The following FOXK1 variants were observed in gnomAD, a reference collection of about 807,000 sequenced individuals.
The protein encoded by FOXK1 is forkhead box protein K1.
A neutral mutation model predicts 51.9 loss-of-function variants in FOXK1; 19 were observed. The ratio of observed to expected loss-of-function variants is 0.37; its 90% confidence interval spans 0.26 to 0.54. The LOEUF (loss-of-function observed/expected upper bound fraction) is 0.54. Ranked by LOEUF, FOXK1 falls within the 20% of genes least tolerant of loss-of-function variation. The pLI is 0.87. For synonymous variants in FOXK1, 537 were observed against 482.6 expected (o/e 1.11, Z -1.48); for missense variants, 870 against 1,032.7 (o/e 0.84, Z 2.16).
chr7:4,691,774 C>G (rs1207413884), intron 1 of FOXK1, among the ~76,000 whole-genome samples: 6 of 152,152 alleles, frequency 3.9e-5, no homozygotes, highest in Non-Finnish European at 8.8e-5. Flanking sequence ...GCCTCTCTGC[C>G]CAGAAACCTC....
At chr7:4,710,210 A>G (rs1038117108) in intron 1 of FOXK1, among the ~76,000 whole-genome samples, 3 of 152,244 alleles carry the variant, frequency 2.0e-5, no homozygotes, top group Admixed American at 6.5e-5. Flanking sequence ...GTCGCAAACA[A>G]CACAAATGCC....
chr7:4,705,994 G>GTATA (rs1178551789), intron 1 of FOXK1, among the ~76,000 whole-genome samples: 4 of 88,976 alleles, frequency 4.5e-5, no homozygotes, highest in African/African-American at 2.5e-4. Flanking sequence ...GTATATATAC[G>GTATA]TATATATACG....
At chr7:4,720,128 T>A (rs1481963043) in intron 1 of FOXK1, among the ~76,000 whole-genome samples, 2 of 152,240 alleles carry the variant, frequency 1.3e-5, no homozygotes, top group Non-Finnish European at 2.9e-5. Flanking sequence ...TTTCCCTCAT[T>A]GGTTTCTCCC....
chr7:4,738,394 G>A (rs1289152841), intron 1 of FOXK1, among the ~76,000 whole-genome samples: 5 of 150,602 alleles, frequency 3.3e-5, no homozygotes, highest in East Asian at 1.9e-4. Flanking sequence ...CCAAGATTGC[G>A]CCATTGTATT....
At chr7:4,751,286 CATTGGG>C (rs1241224980) in intron 2 of FOXK1, among the ~76,000 whole-genome samples, 4 of 148,434 alleles carry the variant, frequency 2.7e-5, no homozygotes, top group Admixed American at 2.0e-4. Flanking sequence ...ATCCCAAAAG[CATTGGG>C]ATTACCAATC....
Position 4,747,990 on chromosome 7 carries a change from G to A in FOXK1, c.747-6469G>A, listed in dbSNP as rs1468047388. Among the ~76,000 whole-genome samples the A allele has an allele frequency of 6.6e-6, 1 of 152,138 alleles. No homozygotes were observed. Among genetic ancestry groups the A allele is most frequent in the Non-Finnish European group, 1.5e-5 (1 of 68,020 alleles). On this transcript the variant is annotated intron_variant, in intron 2 of 8. Coordinates refer to ENST00000328914, the MANE Select transcript of FOXK1 (RefSeq NM_001037165.2). The surrounding 1 kb of genome is among the most constrained non-coding windows in gnomAD (Gnocchi z 9.2). ...CCGTGACTACAGGAGCAATCCACTA[G>A]TTAATTTTTAAAAATAGCTTCCCAG...
chr7:4,724,033 T>TAAA (rs1780347486), intron 1 of FOXK1, among the ~76,000 whole-genome samples: 1 of 152,152 alleles, frequency 6.6e-6, no homozygotes, highest in Admixed American at 6.5e-5. Flanking sequence ...TCGAGGGCTT[T>TAAA]TGGTACTTTG....
At position 4,755,524 on chromosome 7, in the gene FOXK1, CAGG is replaced by C. The variant is rs1780835692; in HGVS notation, c.1050+149_1050+151del. Reference sequence around the variant, plus strand: ...ACCCTAGCATTTTGTGAGGCCGAGGCAGGAGGAGGATCAAGACCAGCCTGTGCA... The same window carrying C: ...ACCCTAGCATTTTGTGAGGCCGAGGCAGGAGGATCAAGACCAGCCTGTGCA... On this transcript the variant is annotated intron_variant, in intron 4 of 8. Coordinates refer to ENST00000328914, the MANE Select transcript of FOXK1 (RefSeq NM_001037165.2). The surrounding 1 kb of genome is among the most constrained non-coding windows in gnomAD (Gnocchi z 6.6). The C allele has an allele frequency of 8.5e-7, 1 of 1,176,294 alleles. No homozygotes were observed. Among genetic ancestry groups the C allele is most frequent in the South Asian group, 1.5e-5 (1 of 65,302 alleles). The allele number at this position is 1,176,294 out of a possible 1,614,324, so 72.9% of individuals were successfully genotyped here. A position where few individuals can be genotyped will look rare whatever the true frequency, so the allele number is the denominator to read the frequency against.
rs1428871329 is a variant in FOXK1, at chr7:4,769,227, T to C, written c.*6763T>C. 6.6e-6 allele frequency: 1 copy of C among 152,048 alleles called. No homozygotes were observed. Among genetic ancestry groups the C allele is most frequent in the African/African-American group, 2.4e-5 (1 of 41,380 alleles). The allele number at this position is 152,048 out of a possible 1,614,324, so 9.4% of individuals were successfully genotyped here. On this transcript the variant is annotated 3_prime_UTR_variant, in exon 9 of 9. Coordinates refer to ENST00000328914, the MANE Select transcript of FOXK1 (RefSeq NM_001037165.2). The surrounding 1 kb of genome is among the most constrained non-coding windows in gnomAD (Gnocchi z 4.1). The stretch of plus-strand genomic sequence containing the variant: ...CCTGTCATTCTCGCCATGGGGAAAA[T>C]GCGTTGAAAAGAAAAATACCGGGGC...
Position 4,757,160 on chromosome 7 carries a change from G to T in FOXK1, c.1217G>T (p.Arg406Leu). The change falls in exon 5 of 9, where the codon CGC becomes CTC. Residue 406 changes from arginine to leucine, a missense_variant. Physicochemically the swap from Arg to Leu is moderately radical, Grantham distance 102 (BLOSUM62 -2). Around this residue, in one of 3 missense-constraint regions of FOXK1, gnomAD observed 457 missense variants for 510.8 expected, o/e 0.89. Coordinates refer to ENST00000328914, the MANE Select transcript of FOXK1 (RefSeq NM_001037165.2). ...AGGCAGAGGGGTGTCTCCTGCTTCC[G>T]CACCCCCTTCGGGCCTCTGTCCTCA... ...KRRQRGVSCF[R>L]TPFGPLSSRS... 1 of 1,611,312 alleles carries T rather than the reference G, an allele frequency of 6.2e-7. No individual in the cohort carries two copies. The highest frequency in any genetic ancestry group is 8.5e-7 in the Non-Finnish European group (1 of 1,179,302).
At chr7:4,740,472 G>A (rs1450353507) in intron 1 of FOXK1, among the ~76,000 whole-genome samples, 2 of 151,586 alleles carry the variant, frequency 1.3e-5, no homozygotes, top group Non-Finnish European at 2.9e-5. Context: ...TTAGCCGGGC[G>A]TGGTGGTGGG....
rs1780473391 is a variant in FOXK1 at position 4,731,307 on chromosome 7, C to G, written c.561-9531C>G. Among the ~76,000 whole-genome samples, 1 of 152,204 alleles carries G rather than the reference C, an allele frequency of 6.6e-6. No homozygotes were observed. The highest frequency in any genetic ancestry group is 2.1e-4 in the South Asian group (1 of 4,828). Reference sequence around the variant, plus strand: ...CTCAGAGCCAAACCACTTAACAGAACCAGGCGAGCCAGGTTTAGTACTTTA... The same window carrying G: ...CTCAGAGCCAAACCACTTAACAGAAGCAGGCGAGCCAGGTTTAGTACTTTA... On this transcript the variant is annotated intron_variant, in intron 1 of 8. Transcript: ENST00000328914. This position sits in a 1 kb window ranked among gnomAD's most constrained non-coding sequence, Gnocchi z 5.3.
Position 4,761,403 on chromosome 7 carries a change from A to G in FOXK1, c.1921+115A>G. ...CCCGATCCTCCACTCAGTTCAATTTATTGAGCACCTGCTATACTCCAGGCA... is the reference window on the plus strand; with the variant it reads ...CCCGATCCTCCACTCAGTTCAATTTGTTGAGCACCTGCTATACTCCAGGCA... On this transcript the variant is annotated intron_variant, in intron 8 of 8. Coordinates refer to ENST00000328914, the MANE Select transcript of FOXK1 (RefSeq NM_001037165.2). The surrounding 1 kb of genome is among the most constrained non-coding windows in gnomAD (Gnocchi z 6.2). 2 of 1,055,336 alleles carry G rather than the reference A, an allele frequency of 1.9e-6. No homozygotes were observed. The highest frequency in any genetic ancestry group is 2.8e-6 in the Non-Finnish European group (2 of 725,366). The allele number at this position is 1,055,336 out of a possible 1,614,324, so 65.4% of individuals were successfully genotyped here.
At chr7:4,752,842 G>A (rs1387792736) in intron 2 of FOXK1, among the ~76,000 whole-genome samples, 1 of 152,254 alleles carries the variant, frequency 6.6e-6, no homozygotes, top group Non-Finnish European at 1.5e-5. Context: ...CAGCAGGGAG[G>A]TGTTTGGTTC....
intron 2 of FOXK1, among the ~76,000 whole-genome samples, chr7:4,750,414 T>C (rs1235594446): frequency 6.6e-6 from 1 of 151,716 alleles, no homozygotes; most frequent in African/African-American, 2.4e-5. Flanking sequence ...CAGGAGGAAA[T>C]GTGTGCACGT....
chr7:4,761,439 G>A lies in FOXK1; in HGVS notation c.1921+151G>A. On this transcript the variant is annotated intron_variant, in intron 8 of 8. Transcript: ENST00000328914. This position sits in a 1 kb window ranked among gnomAD's most constrained non-coding sequence, Gnocchi z 6.2. Reference sequence around the variant, plus strand: ...GCTATACTCCAGGCACTGGGGTAATGCAAAGAAAAAGAGGGTGGAAGGGGC... The same window carrying A: ...GCTATACTCCAGGCACTGGGGTAATACAAAGAAAAAGAGGGTGGAAGGGGC... The A allele has an allele frequency of 2.2e-6, 2 of 890,786 alleles. No homozygotes were observed. The highest frequency in any genetic ancestry group is 4.9e-5 in the Admixed American group (2 of 41,068). 55.2% of individuals were successfully genotyped at this position (890,786 alleles called of 1,614,324 possible). A position where few individuals can be genotyped will look rare whatever the true frequency, so the allele number is the denominator to read the frequency against.
At position 4,770,843 on chromosome 7, in the gene FOXK1, T is replaced by C. The variant is rs1366593733; in HGVS notation, c.*8379T>C. On this transcript the variant is annotated 3_prime_UTR_variant, in exon 9 of 9. Coordinates refer to ENST00000328914, the MANE Select transcript of FOXK1 (RefSeq NM_001037165.2). The stretch of plus-strand genomic sequence containing the variant: ...CGATTATTCTCCTGTAAAAATAATT[T>C]GGGAGGGGCGGGTGTTGTTCGGTGT... The C allele has an allele frequency of 2.0e-5, 3 of 149,204 alleles. No individual in the cohort carries two copies. The highest frequency in any genetic ancestry group is 7.5e-5 in the African/African-American group (3 of 40,014). The allele number at this position is 149,204 out of a possible 1,614,324, so 9.2% of individuals were successfully genotyped here.
intron 1 of FOXK1, among the ~76,000 whole-genome samples, chr7:4,720,995 G>A (rs1780302230): frequency 2.0e-5 from 3 of 151,860 alleles, no homozygotes; most frequent in Non-Finnish European, 2.9e-5. Flanking sequence ...CGCCCACCTC[G>A]GCCTCCCAAA....
intron 1 of FOXK1, among the ~76,000 whole-genome samples, chr7:4,710,961 G>A (rs150600775): frequency 0.023 from 3,575 of 152,222 alleles, 50 homozygotes; most frequent in Middle Eastern, 0.065. Context: ...ATTACCTGTC[G>A]ACACCGTCCT....
Sources: gnomAD v4.1 joint callset for allele counts (sites outside exome capture counted in the v4.1 genomes callset) on GRCh38, gnomAD v4.1.1 for gene constraint, gnomAD v4.1.1 regional missense constraint, Gnocchi (gnomAD v3.1) non-coding constraint, MANE v1.5 for transcripts, NCBI Gene and HGNC (gene_info 2026-07-23, HGNC 2026-07-21) for gene names.